TMEM132C: variants seen among roughly 807,000 people sequenced by gnomAD.
TMEM132C encodes protein phosphatase 1, regulatory subunit 152.
A neutral mutation model predicts 61.4 loss-of-function variants in TMEM132C; 29 were observed. The ratio of observed to expected loss-of-function variants is 0.47; its 90% CI spans 0.35 to 0.64. The LOEUF is 0.64. TMEM132C is among the 30% of genes least tolerant of loss of function. TMEM132C has a pLI of 0.00. For missense variants in TMEM132C, 1,408 were observed against 1,476.9 expected, an observed-to-expected ratio of 0.95 and a Z score of 0.76; for synonymous variants, 656 against 633.1, an observed-to-expected ratio of 1.04 and a Z score of -0.54.
chr12:128,596,473 A>ATGTTCTCT (rs1300957735), intron 3 of TMEM132C, among the ~76,000 whole-genome samples: 62 of 102,674 alleles, frequency 6.0e-4, no homozygotes, highest in African/African-American at 2.2e-3. Context: ...CACTGATCCC[A>ATGTTCTCT]TGTTCTCTCC....
intron 2 of TMEM132C, among the ~76,000 whole-genome samples, chr12:128,494,500 TATTA>T (rs1371486803): frequency 3.3e-5 from 5 of 152,254 alleles, no homozygotes; most frequent in Non-Finnish European, 7.3e-5. Flanking sequence ...GTTGGTAGGC[TATTA>T]ATTATTGCCT....
chr12:128,284,719 C>A (rs2094825066), intron 1 of TMEM132C, among the ~76,000 whole-genome samples: 2 of 152,094 alleles, frequency 1.3e-5, no homozygotes, highest in Admixed American at 1.3e-4. Context: ...CATTAAAAGT[C>A]AGTGGCTTAA....
At chr12:128,528,617 G>C (rs1873175967) in intron 2 of TMEM132C, among the ~76,000 whole-genome samples, 1 of 152,136 alleles carries the variant, frequency 6.6e-6, no homozygotes, top group South Asian at 2.1e-4. Flanking sequence ...AGTTAGTGTG[G>C]TGGTGAGGGG....
chr12:128,442,107 G>A (rs1391306200), intron 2 of TMEM132C, among the ~76,000 whole-genome samples: 1 of 152,154 alleles, frequency 6.6e-6, no homozygotes, highest in Non-Finnish European at 1.5e-5. Flanking sequence ...CATGCCTCCT[G>A]GGCCTCAGTC....
intron 1 of TMEM132C, among the ~76,000 whole-genome samples, chr12:128,322,238 C>G (rs967702283): frequency 1.3e-5 from 2 of 152,208 alleles, no homozygotes; most frequent in Non-Finnish European, 2.9e-5. Flanking sequence ...AGAGAGGCTG[C>G]CTGTAAGTGT....
chr12:128,503,902 G>T (rs2136111434), intron 2 of TMEM132C, among the ~76,000 whole-genome samples: 1 of 152,322 alleles, frequency 6.6e-6, no homozygotes, highest in Non-Finnish European at 1.5e-5. Context: ...GTCTCTCATG[G>T]TTTATGGGGA....
rs1555226058 is a variant in TMEM132C, at chr12:128,469,634, G to GTGTT, written c.974+54017_974+54018insTTGT. 1.8e-3 allele frequency among the ~76,000 whole-genome samples: 270 copies of GTGTT among 147,078 alleles called. 4 individuals are homozygous for GTGTT. The highest frequency in any genetic ancestry group is 6.7e-3 in the African/African-American group (250 of 37,156). ...TTGTATGCTTGTATGCTTTGTGTGT[G>GTGTT]TGTGTTTGTGTGTGTGTGTGTGTGT... On this transcript the variant is annotated intron_variant, in intron 2 of 8. Transcript: ENST00000435159.
chr12:128,656,555 C>T (rs552882128), intron 4 of TMEM132C, among the ~76,000 whole-genome samples: 1 of 152,332 alleles, frequency 6.6e-6, no homozygotes, highest in South Asian at 2.1e-4. Flanking sequence ...TCTCAACCTT[C>T]AACAACATCA....
intron 3 of TMEM132C, among the ~76,000 whole-genome samples, chr12:128,581,947 G>A (rs564542401): frequency 6.0e-4 from 91 of 152,274 alleles, no homozygotes; most frequent in African/African-American, 2.0e-3. Context: ...CTTCAGCTCC[G>A]CGAATCCTTC....
chr12:128,285,486 C>G (rs1262122877), intron 1 of TMEM132C, among the ~76,000 whole-genome samples: 1 of 152,144 alleles, frequency 6.6e-6, no homozygotes, highest in East Asian at 1.9e-4. Context: ...ACATTAGACT[C>G]TTAAACACAA....
chr12:128,414,498 T>C (rs1381711450), intron 1 of TMEM132C, among the ~76,000 whole-genome samples: 2 of 152,234 alleles, frequency 1.3e-5, no homozygotes, highest in Non-Finnish European at 2.9e-5. Flanking sequence ...TGAATCTTAC[T>C]CTACAGAATT....
intron 1 of TMEM132C, among the ~76,000 whole-genome samples, chr12:128,388,432 C>A (rs564450207): frequency 2.6e-5 from 4 of 152,396 alleles, no homozygotes; most frequent in African/African-American, 9.6e-5. Flanking sequence ...TCCCTCTCTT[C>A]TTCCCCTTGT....
chr12:128,440,913 G>T (rs866489580), intron 2 of TMEM132C, among the ~76,000 whole-genome samples: 3 of 152,220 alleles, frequency 2.0e-5, no homozygotes, highest in African/African-American at 4.8e-5. Flanking sequence ...TCCAGGCGTC[G>T]TGGTGTAGTC....
At chr12:128,421,146 C>A (rs1459502189) in intron 2 of TMEM132C, among the ~76,000 whole-genome samples, 2 of 152,160 alleles carry the variant, frequency 1.3e-5, no homozygotes, top group African/African-American at 4.8e-5. Flanking sequence ...CCATGAACCA[C>A]CTCTCACCCT....
At chr12:128,395,384 C>T (rs1357175911) in intron 1 of TMEM132C, among the ~76,000 whole-genome samples, 1 of 152,170 alleles carries the variant, frequency 6.6e-6, no homozygotes, top group East Asian at 1.9e-4. Context: ...TCTCGCCTCC[C>T]TCCTTACTTA....
chr12:128,530,367 AC>A (rs1234428044), intron 2 of TMEM132C, among the ~76,000 whole-genome samples: 3 of 151,922 alleles, frequency 2.0e-5, no homozygotes, highest in African/African-American at 7.2e-5. Flanking sequence ...GGTATGAAAT[AC>A]TCTCACCATA....
At chr12:128,395,077 A>G (rs1626236) in intron 1 of TMEM132C, among the ~76,000 whole-genome samples, 56,683 of 151,580 alleles carry the variant, frequency 0.37, 11,824 homozygotes, top group African/African-American at 0.56. Context: ...ACAAACACAC[A>G]TATAGACATA....
At chr12:128,704,433 C>T (rs770179458) in intron 8 of TMEM132C, among the ~76,000 whole-genome samples, 2 of 152,184 alleles carry the variant, frequency 1.3e-5, no homozygotes, top group Non-Finnish European at 2.9e-5. Flanking sequence ...CAGCCAATGC[C>T]ATGTACTGTG....
intron 1 of TMEM132C, among the ~76,000 whole-genome samples, chr12:128,273,868 C>T (rs1227221787): frequency 6.6e-6 from 1 of 152,156 alleles, no homozygotes; most frequent in African/African-American, 2.4e-5. Context: ...CTCACGTACC[C>T]TAGGTGTGAC....
Sources: allele counts gnomAD v4.1 joint callset (sites outside exome capture counted in the v4.1 genomes callset), GRCh38; gene constraint gnomAD v4.1.1; transcripts MANE v1.5; gene names NCBI Gene and HGNC (gene_info 2026-07-23, HGNC 2026-07-21).